The following MACF1 variants were observed in gnomAD, a reference collection of about 807,000 sequenced individuals.
MACF1 encodes the protein microtubule-actin cross-linking factor 1.
MACF1 carries 193 observed loss-of-function variants against 854.8 expected under a neutral mutation model. The ratio of observed to expected loss-of-function variants is 0.23; its 90% CI spans 0.20 to 0.25. The LOEUF (loss-of-function observed/expected upper bound fraction) is 0.25. Ranked by LOEUF, MACF1 falls within the 10% of genes least tolerant of loss-of-function variation. The pLI is 1.00. For synonymous variants in MACF1, 3,185 were observed against 3,226.7 expected (o/e 0.99, Z 0.44); for missense variants, 7,722 against 8,929.1 (o/e 0.86, Z 5.45).
intron 55 of MACF1, among the ~76,000 whole-genome samples, chr1:39,381,366 T>G (rs6679789): frequency 1.4e-5 from 2 of 138,050 alleles, no homozygotes; most frequent in African/African-American, 5.6e-5. Context: ...CTTTTTTTTT[T>G]TTTTTTTTTT....
intron 1 of MACF1, among the ~76,000 whole-genome samples, chr1:39,213,886 C>A (rs934030655): frequency 1.3e-5 from 2 of 152,128 alleles, no homozygotes; most frequent in Admixed American, 1.3e-4. Flanking sequence ...GCTGTGAGAA[C>A]CTTTATTAGT....
chr1:39,411,386 A>G (rs1489928246), intron 58 of MACF1: 4 of 1,613,924 alleles, frequency 2.5e-6, no homozygotes, highest in Non-Finnish European at 3.4e-6. Flanking sequence ...GTGGTGGAGG[A>G]TGGATCCGAT....
At chr1:39,256,892 GA>G (rs1251607615) in intron 5 of MACF1, among the ~76,000 whole-genome samples, 1,075 of 91,070 alleles carry the variant, frequency 0.012, 7 homozygotes, top group African/African-American at 0.035. Flanking sequence ...AGAACCTTAA[GA>G]AAAAAAAAAA....
chr1:39,296,751 A>AAAGAAAGGAAGGAAGGAAGG (rs1362049025), intron 20 of MACF1, among the ~76,000 whole-genome samples: 7 of 93,720 alleles, frequency 7.5e-5, no homozygotes, highest in African/African-American at 2.7e-4. Flanking sequence ...AGAAAGAAAG[A>AAAGAAAGGAAGGAAGGAAGG]AAGGAAGGAA....
At chr1:39,338,431 T>A (rs1007915308) in intron 38 of MACF1, among the ~76,000 whole-genome samples, 1 of 152,260 alleles carries the variant, frequency 6.6e-6, no homozygotes, top group Admixed American at 6.5e-5. Context: ...TGATTTATAC[T>A]ACAGAACTCC....
intron 2 of MACF1, among the ~76,000 whole-genome samples, chr1:39,090,111 G>A (rs1641767397): frequency 6.6e-6 from 1 of 152,220 alleles, no homozygotes; most frequent in African/African-American, 2.4e-5. Context: ...CAAGCCGTGA[G>A]TGGGAAGAAG....
At chr1:39,475,208 C>T (rs888997701) in intron 97 of MACF1, among the ~76,000 whole-genome samples, 2 of 152,158 alleles carry the variant, frequency 1.3e-5, no homozygotes, top group African/African-American at 4.8e-5. Flanking sequence ...TAGGAAAACC[C>T]TAGAAAACCT....
intron 2 of MACF1, among the ~76,000 whole-genome samples, chr1:39,130,164 A>AT (rs1328248180): frequency 6.6e-6 from 1 of 151,984 alleles, no homozygotes; most frequent in Non-Finnish European, 1.5e-5. Flanking sequence ...TTTCCCCCCC[A>AT]TTCATGGGGA....
intron 58 of MACF1, chr1:39,412,117 G>A (rs762141367): frequency 2.8e-5 from 45 of 1,614,004 alleles, no homozygotes; most frequent in Non-Finnish European, 3.5e-5. Flanking sequence ...AAAATTATCA[G>A]GCTTCATTGC....
intron 23 of MACF1, among the ~76,000 whole-genome samples, chr1:39,308,150 C>G (rs530490561): frequency 2.1e-4 from 32 of 151,950 alleles, no homozygotes; most frequent in South Asian, 6.2e-4. Context: ...GTGATCTGCC[C>G]TCCTCGGCCT....
Position 39,283,499 on chromosome 1 carries a change from A to G in MACF1, c.899A>G (p.Glu300Gly), listed in dbSNP as rs769929928. 4.2e-5 allele frequency: 67 copies of G among 1,604,804 alleles called. No individual in the cohort carries two copies. The highest frequency in any genetic ancestry group is 5.6e-5 in the Non-Finnish European group (66 of 1,171,698). The stretch of plus-strand genomic sequence containing the variant: ...TTCCCTAAAGTTCCTGAGGGTGGAG[A>G]AGGGATCAGTGCTACGGTAAAAGAA... ...DAFPKVPEGGEGISATEVDSR... is the reference protein window; with the variant it reads ...DAFPKVPEGGGGISATEVDSR... Residue 300 changes from glutamate to glycine, a missense_variant, in exon 9 of 101, where the codon GAA becomes GGA. Glu to Gly is a moderately conservative substitution (Grantham distance 98). Around this residue, in one of 15 missense-constraint regions of MACF1, gnomAD observed 97 missense variants for 130.4 expected, o/e 0.74. Transcript: ENST00000564288. The surrounding 1 kb of genome is among the most constrained non-coding windows in gnomAD (Gnocchi z 4.5).
At position 39,428,176 on chromosome 1, in the gene MACF1, G is replaced by A; in HGVS notation, c.16692G>A (p.Glu5564=). The change falls in exon 63 of 101, where the codon GAG becomes GAA. Residue 5564 remains glutamate, a synonymous_variant. Transcript: ENST00000564288. The part of the protein sequence containing the change: ...QALSNARLFG[E]DEVEVLNWLA... ...TGTCTAATGCTAGGCTGTTTGGGGA[G>A]GATGAGGTGGAGGTGCTCAACTGGC... is the stretch of plus-strand genomic sequence containing the variant. 6.2e-7 allele frequency: 1 copy of A among 1,614,216 alleles called. No individual in the cohort carries two copies. Among genetic ancestry groups the A allele is most frequent in the Non-Finnish European group, 8.5e-7 (1 of 1,180,038 alleles).
At chr1:39,419,410 T>C (rs1373045685) in intron 58 of MACF1, among the ~76,000 whole-genome samples, 1 of 152,174 alleles carries the variant, frequency 6.6e-6, no homozygotes, top group Non-Finnish European at 1.5e-5. Context: ...GTCTGAAACT[T>C]TCTGAATGCT....
intron 58 of MACF1, among the ~76,000 whole-genome samples, chr1:39,388,907 C>G (rs1460500699): frequency 9.6e-6 from 1 of 103,698 alleles, no homozygotes; most frequent in Non-Finnish European, 1.7e-5. Flanking sequence ...GAGACAGGGT[C>G]TCTCTCTCTC....
At chr1:39,299,223 A>G in intron 21 of MACF1, 1 of 456,054 alleles carries the variant, frequency 2.2e-6, no homozygotes, top group Non-Finnish European at 4.4e-6. Flanking sequence ...TTAAAGTTGT[A>G]TTTCTTCCAA....
At position 39,480,954 on chromosome 1, in the gene MACF1, C is replaced by G; in HGVS notation, c.22205C>G (p.Pro7402Arg). 1 of 1,550,852 alleles carries G rather than the reference C, an allele frequency of 6.4e-7. No homozygotes were observed. Among genetic ancestry groups the G allele is most frequent in the Non-Finnish European group, 8.7e-7 (1 of 1,146,942 alleles). The change falls in exon 99 of 101, where the codon CCC becomes CGC. Residue 7402 changes from proline (P) to arginine (R), a missense_variant. Physicochemically the swap from Pro to Arg is moderately radical, Grantham distance 103. Transcript: ENST00000564288. ...SLQFSRCYDK[P>R]WLVNSKAGTP... ...CAGTTCTCTCGCTGTTATGACAAAC[C>G]CTGGTTGGTAAACAGTAAAGCTGGC...
rs151124023 is a variant in MACF1 at position 39,433,144 on chromosome 1, A to G, written c.17554A>G (p.Thr5852Ala). The change falls in exon 68 of 101, where the codon ACT becomes GCT. Residue 5852 changes from threonine to alanine, a missense_variant. Physicochemically the swap from Thr to Ala is moderately conservative, Grantham distance 58. Coordinates refer to ENST00000564288, the MANE Select transcript of MACF1 (RefSeq NM_001394062.1). ...TGGCACATGTGGGGAGGAGCAAAAA[A>G]CTGTATTACAGGTGAATTACATTTA... ...IFGTCGEEQK[T>A]VLQEKTESLI... 48 of 1,590,312 alleles carry G rather than the reference A, an allele frequency of 3.0e-5. No individual in the cohort carries two copies. In the African/African-American group the frequency reaches 5.2e-4, roughly 17 times the overall value.
chr1:39,474,851 G>A (rs1218910179), intron 97 of MACF1, among the ~76,000 whole-genome samples: 1 of 152,166 alleles, frequency 6.6e-6, no homozygotes, highest in African/African-American at 2.4e-5. Context: ...TCTTAAAGGA[G>A]GTAACACTTG....
rs190295994 is a variant in MACF1 at position 39,386,410 on chromosome 1, G to A, written c.14344+481G>A. Among the ~76,000 whole-genome samples the A allele has an allele frequency of 1.1e-3, 159 of 150,256 alleles. 1 individual carries two copies. Among genetic ancestry groups the A allele is most frequent in the African/African-American group, 3.7e-3 (152 of 40,600 alleles). ...CAAGTAGCTGGGACTATAGACACAC[G>A]CCACCATGCCCAGCTGATTTTTTTT... On this transcript the variant is annotated intron_variant, in intron 57 of 100. Coordinates refer to ENST00000564288, the MANE Select transcript of MACF1 (RefSeq NM_001394062.1).
Sources: gnomAD v4.1 joint callset for allele counts (sites outside exome capture counted in the v4.1 genomes callset) on GRCh38, gnomAD v4.1.1 for gene constraint, gnomAD v4.1.1 regional missense constraint, Gnocchi (gnomAD v3.1) non-coding constraint, MANE v1.5 for transcripts, NCBI Gene and HGNC (gene_info 2026-07-23, HGNC 2026-07-21) for gene names.